PTPRN2: variants seen among roughly 807,000 people sequenced by gnomAD.
PTPRN2 encodes the protein receptor-type tyrosine-protein phosphatase N2.
Under a neutral mutation model 118.8 loss-of-function variants are expected in PTPRN2, and 74 were observed. The ratio of observed to expected loss-of-function variants is 0.62; its 90% CI spans 0.52 to 0.76. The LOEUF (loss-of-function observed/expected upper bound fraction) is 0.76, where lower values mean the gene tolerates loss of function less well. Ranked by LOEUF, PTPRN2 falls within the 30% of genes least tolerant of loss-of-function variation. The pLI is 0.00. For missense variants in PTPRN2, 1,481 were observed against 1,394.4 expected (o/e 1.06, Z -0.99); for synonymous variants, 641 against 608.0 (o/e 1.05, Z -0.80).
At chr7:158,108,782 T>C (rs1348200705) in intron 10 of PTPRN2, among the ~76,000 whole-genome samples, 1 of 152,224 alleles carries the variant, frequency 6.6e-6, no homozygotes. Flanking sequence ...CTTTTCCTAA[T>C]AAATGGCAGA....
chr7:158,518,926 A>T (rs1458220341), intron 1 of PTPRN2, among the ~76,000 whole-genome samples: 1 of 151,868 alleles, frequency 6.6e-6, no homozygotes. Context: ...TGGAGGTTGC[A>T]GTGAGCTGAG....
intron 11 of PTPRN2, among the ~76,000 whole-genome samples, chr7:157,970,618 T>C (rs537176218): frequency 3.4e-5 from 5 of 148,682 alleles, no homozygotes; most frequent in East Asian, 2.0e-4. Context: ...GTGTGCTTCA[T>C]TGTCACGCTC....
At chr7:157,644,004 G>T (rs1418480549) in intron 14 of PTPRN2, among the ~76,000 whole-genome samples, 1 of 152,204 alleles carries the variant, frequency 6.6e-6, no homozygotes, top group Non-Finnish European at 1.5e-5. Context: ...CCTCTCATGC[G>T]CTACAAGCTA....
At chr7:158,302,381 G>C (rs749074802) in intron 3 of PTPRN2, among the ~76,000 whole-genome samples, 1 of 152,350 alleles carries the variant, frequency 6.6e-6, no homozygotes, top group Admixed American at 6.5e-5. Flanking sequence ...AGCCTTGGTT[G>C]GGTCAACCCT....
In PTPRN2 at chr7:157,813,495, C is replaced by T. The variant is rs138753151; in HGVS notation, c.1788+85178G>A. Among the ~76,000 whole-genome samples, 128 of 152,300 alleles carry T rather than the reference C, an allele frequency of 8.4e-4. 1 individual carries two copies. In the East Asian group the frequency reaches 0.021, roughly 25 times the overall value. Reference sequence around the variant, plus strand: ...GCCCTAATGTCATGGGAAAGTCTAACAATTTGTTAAACTTTGTTAGTGTAC... The same window carrying T: ...GCCCTAATGTCATGGGAAAGTCTAATAATTTGTTAAACTTTGTTAGTGTAC... On this transcript the variant is annotated intron_variant, in intron 12 of 22. Transcript: ENST00000389418. The surrounding 1 kb of genome is among the most constrained non-coding windows in gnomAD (Gnocchi z 4.7).
intron 12 of PTPRN2, among the ~76,000 whole-genome samples, chr7:157,857,016 C>G (rs1222853063): frequency 6.6e-6 from 1 of 151,962 alleles, no homozygotes; most frequent in African/African-American, 2.4e-5. Context: ...GGGAGGTGGC[C>G]AGGTTTGCAA....
chr7:157,861,383 C>T lies in PTPRN2; in HGVS notation c.1788+37290G>A, dbSNP rs555272013. ...GGGTCCCTTCAGTCTGCGCTCCCTGCGGTGGGCAGTGGCTTCTGTGTTTTG... is the reference window on the plus strand; with the variant it reads ...GGGTCCCTTCAGTCTGCGCTCCCTGTGGTGGGCAGTGGCTTCTGTGTTTTG... On this transcript the variant is annotated intron_variant, in intron 12 of 22. Coordinates refer to ENST00000389418, the MANE Select transcript of PTPRN2 (RefSeq NM_002847.5). The surrounding 1 kb of genome is among the most constrained non-coding windows in gnomAD (Gnocchi z 5.8). Among the ~76,000 whole-genome samples the T allele has an allele frequency of 1.1e-4, 17 of 152,340 alleles. No individual in the cohort carries two copies. The highest frequency in any genetic ancestry group is 3.6e-4 in the African/African-American group (15 of 41,584).
At chr7:157,753,792 C>T (rs1011739837) in intron 12 of PTPRN2, among the ~76,000 whole-genome samples, 8 of 152,232 alleles carry the variant, frequency 5.3e-5, no homozygotes, top group Non-Finnish European at 7.3e-5. Context: ...GGTCCCTGCT[C>T]TCCTGGCATC....
chr7:158,262,546 C>G (rs1471475195), intron 3 of PTPRN2, among the ~76,000 whole-genome samples: 1 of 149,656 alleles, frequency 6.7e-6, no homozygotes, highest in Non-Finnish European at 1.5e-5. Flanking sequence ...CACACATTCA[C>G]ACACTGCACA....
At chr7:158,357,717 C>T (rs866205784) in intron 2 of PTPRN2, among the ~76,000 whole-genome samples, 1 of 152,230 alleles carries the variant, frequency 6.6e-6, no homozygotes, top group Non-Finnish European at 1.5e-5. Flanking sequence ...TCTTATGTCC[C>T]GTAAGGTTCC....
chr7:158,413,911 A>G (rs1814409664), intron 2 of PTPRN2, among the ~76,000 whole-genome samples: 1 of 152,118 alleles, frequency 6.6e-6, no homozygotes, highest in African/African-American at 2.4e-5. Context: ...AGGCCGAGGC[A>G]GGTGAATTAC....
intron 11 of PTPRN2, among the ~76,000 whole-genome samples, chr7:157,915,115 A>G (rs1297839692): frequency 1.3e-5 from 2 of 152,156 alleles, no homozygotes; most frequent in South Asian, 2.1e-4. Flanking sequence ...CAATAGTTAC[A>G]ATATCTGAGG....
intron 21 of PTPRN2, among the ~76,000 whole-genome samples, chr7:157,568,025 C>G (rs893293683): frequency 3.9e-5 from 6 of 152,260 alleles, no homozygotes; most frequent in Non-Finnish European, 7.4e-5. Flanking sequence ...AAGAGATGAC[C>G]TTAGAGGTTG....
At chr7:158,400,955 C>T (rs989946164) in intron 2 of PTPRN2, among the ~76,000 whole-genome samples, 8 of 152,140 alleles carry the variant, frequency 5.3e-5, no homozygotes, top group African/African-American at 1.7e-4. Flanking sequence ...CGAGGAAAGC[C>T]GAGCAGACAG....
At chr7:157,673,909 G>A (rs1796534624) in intron 13 of PTPRN2, among the ~76,000 whole-genome samples, 1 of 152,198 alleles carries the variant, frequency 6.6e-6, no homozygotes, top group African/African-American at 2.4e-5. Flanking sequence ...AGGCAGACTG[G>A]GCCGACTCTG....
intron 3 of PTPRN2, among the ~76,000 whole-genome samples, chr7:158,220,448 T>C (rs1563619204): frequency 6.6e-6 from 1 of 152,090 alleles, no homozygotes; most frequent in Non-Finnish European, 1.5e-5. Context: ...CTTCTAGAAC[T>C]AATAAATGAC....
At chr7:158,157,486 T>A (rs181939232) in intron 6 of PTPRN2, among the ~76,000 whole-genome samples, 1 of 152,232 alleles carries the variant, frequency 6.6e-6, no homozygotes, top group South Asian at 2.1e-4. Context: ...TGACTCTTAC[T>A]TCTCCCAAAT....
At chr7:158,004,407 C>A (rs1432267219) in intron 11 of PTPRN2, among the ~76,000 whole-genome samples, 3 of 152,102 alleles carry the variant, frequency 2.0e-5, no homozygotes, top group South Asian at 2.1e-4. Flanking sequence ...ATTTAAAAAA[C>A]CAGCAGATTA....
At chr7:158,118,177 C>T (rs980116548) in intron 9 of PTPRN2, among the ~76,000 whole-genome samples, 7 of 152,022 alleles carry the variant, frequency 4.6e-5, no homozygotes, top group Non-Finnish European at 5.9e-5. Context: ...ATTTAAGAAA[C>T]GAATAAATTT....
Sources: gnomAD v4.1 joint callset for allele counts (sites outside exome capture counted in the v4.1 genomes callset) on GRCh38, gnomAD v4.1.1 for gene constraint, Gnocchi (gnomAD v3.1) non-coding constraint, MANE v1.5 for transcripts, NCBI Gene and HGNC (gene_info 2026-07-23, HGNC 2026-07-21) for gene names.